ARHGAP8: variants seen among roughly 807,000 people sequenced by gnomAD.
ARHGAP8 encodes the protein rho GTPase-activating protein 8.
In ARHGAP8, 62 loss-of-function variants were observed where a neutral mutation model predicts 46.1. The observed-to-expected ratio is 1.34, with a 90% CI of 1.10 to 1.66. The LOEUF (loss-of-function observed/expected upper bound fraction) is 1.66. ARHGAP8 is among the 40% of genes most tolerant of loss of function. The pLI is 0.00. For missense variants in ARHGAP8, 923 were observed against 568.4 expected (o/e 1.62, Z -6.34); for synonymous variants, 375 against 243.1 (o/e 1.54, Z -5.05).
rs531298444 is a variant in ARHGAP8, at chr22:44,856,198, A to G, written c.878-3533A>G. On this transcript the variant is annotated intron_variant, in intron 10 of 11. Coordinates refer to ENST00000356099, the MANE Select transcript of ARHGAP8 (RefSeq NM_181335.3). ...TTTCAATGTGAGGTTTACAGGCAACATCATCCAACATATCAGAGTGCAGCT... is the reference window on the plus strand; with the variant it reads ...TTTCAATGTGAGGTTTACAGGCAACGTCATCCAACATATCAGAGTGCAGCT... Among the ~76,000 whole-genome samples, 6 of 150,434 alleles carry G rather than the reference A, an allele frequency of 4.0e-5. No individual in the cohort carries two copies. The East Asian group carries it at 7.8e-4, about 20-fold the overall frequency.
intron 1 of ARHGAP8, among the ~76,000 whole-genome samples, chr22:44,781,104 T>C (rs1161432548): frequency 6.6e-6 from 1 of 152,164 alleles, no homozygotes; most frequent in Non-Finnish European, 1.5e-5. Context: ...CAGATTTCTC[T>C]TCTGGGTTTG....
At chr22:44,788,031 G>A (rs1927399661) in intron 2 of ARHGAP8, among the ~76,000 whole-genome samples, 1 of 149,514 alleles carries the variant, frequency 6.7e-6, no homozygotes. Context: ...CTGGCCAGGT[G>A]CCAACAGAAG....
chr22:44,779,303 G>GTA (rs1926660290), intron 1 of ARHGAP8, among the ~76,000 whole-genome samples: 3 of 151,918 alleles, frequency 2.0e-5, no homozygotes, highest in Non-Finnish European at 4.4e-5. Flanking sequence ...GTTTCACCAT[G>GTA]TTGACCAGGC....
chr22:44,818,543 C>T (rs5765033), intron 5 of ARHGAP8, among the ~76,000 whole-genome samples: 14,596 of 152,182 alleles, frequency 0.096, 1,026 homozygotes, highest in East Asian at 0.31. Context: ...TGCTCTGCCC[C>T]TTGCCATCCA....
chr22:44,789,774 T>A (rs1322289092), intron 2 of ARHGAP8, among the ~76,000 whole-genome samples: 1 of 152,192 alleles, frequency 6.6e-6, no homozygotes, highest in African/African-American at 2.4e-5. Flanking sequence ...GTGCTGGGAT[T>A]ATAGGTGTAT....
At chr22:44,797,574 G>C (rs913820078) in intron 2 of ARHGAP8, among the ~76,000 whole-genome samples, 1 of 152,176 alleles carries the variant, frequency 6.6e-6, no homozygotes, top group African/African-American at 2.4e-5. Flanking sequence ...ACCAGAATTC[G>C]TAAGGAACTG....
chr22:44,764,840 G>A (rs539588122), intron 1 of ARHGAP8, among the ~76,000 whole-genome samples: 2 of 152,346 alleles, frequency 1.3e-5, no homozygotes, highest in Non-Finnish European at 2.9e-5. Context: ...AGAGGGAGCT[G>A]AGAGTGCTGT....
chr22:44,849,883 G>A (rs2070052030), intron 10 of ARHGAP8: 1 of 152,174 alleles, frequency 6.6e-6, no homozygotes, highest in African/African-American at 2.4e-5. Context: ...CCTGGCCCCT[G>A]GGGGGTGACT....
chr22:44,859,560 T>G (rs2070361795), intron 10 of ARHGAP8, 171 bp from the exon 11 acceptor site: 1 of 649,940 alleles, frequency 1.5e-6, no homozygotes, highest in Non-Finnish European at 2.7e-6. Context: ...AACACACAGG[T>G]TTGCTGAGCA....
intron 4 of ARHGAP8, 137 bp downstream of exon 4, chr22:44,808,575 G>C (rs1181488923): frequency 1.4e-6 from 2 of 1,480,910 alleles, no homozygotes; most frequent in Non-Finnish European, 1.8e-6. Context: ...GAGCAAATGT[G>C]GGGCAGTGGA....
chr22:44,796,185 G>A (rs556350154), intron 2 of ARHGAP8, among the ~76,000 whole-genome samples: 30 of 152,280 alleles, frequency 2.0e-4, no homozygotes, highest in African/African-American at 5.8e-4. Flanking sequence ...CAGAGCAGAC[G>A]CTGTTCTGCT....
At chr22:44,753,881 A>T (rs908249106) in intron 1 of ARHGAP8, among the ~76,000 whole-genome samples, 1 of 152,194 alleles carries the variant, frequency 6.6e-6, no homozygotes, top group Non-Finnish European at 1.5e-5. Flanking sequence ...TCCAGCTGAG[A>T]ACTCAATGCT....
chr22:44,854,630 C>T (rs1446880160), intron 10 of ARHGAP8, among the ~76,000 whole-genome samples: 1 of 152,024 alleles, frequency 6.6e-6, no homozygotes, highest in Non-Finnish European at 1.5e-5. Flanking sequence ...GAAGATGCAG[C>T]TGGTTTTTTT....
At chr22:44,819,259 G>A (rs952091506) in intron 5 of ARHGAP8, among the ~76,000 whole-genome samples, 1 of 152,146 alleles carries the variant, frequency 6.6e-6, no homozygotes, top group Non-Finnish European at 1.5e-5. Context: ...TAGAGACAGG[G>A]TTTTGCCATG....
At chr22:44,860,778 C>T (rs956146204) in intron 11 of ARHGAP8, among the ~76,000 whole-genome samples, 1 of 152,124 alleles carries the variant, frequency 6.6e-6, no homozygotes, top group East Asian at 1.9e-4. Context: ...TTCAACACAT[C>T]CACGTGGGTC....
intron 1 of ARHGAP8, among the ~76,000 whole-genome samples, chr22:44,771,547 T>G (rs1360193379): frequency 1.4e-5 from 2 of 147,556 alleles, no homozygotes. Flanking sequence ...CTGCCTGGCT[T>G]TTTTTTTATT....
chr22:44,793,775 A>C (rs1370534493), intron 2 of ARHGAP8, among the ~76,000 whole-genome samples: 18 of 152,234 alleles, frequency 1.2e-4, no homozygotes. Flanking sequence ...GATGCCTTGC[A>C]GAATTTGCAT....
chr22:44,770,455 G>A (rs1925917197), intron 1 of ARHGAP8, among the ~76,000 whole-genome samples: 1 of 151,640 alleles, frequency 6.6e-6, no homozygotes, highest in Non-Finnish European at 1.5e-5. Flanking sequence ...ACCCAGGCTG[G>A]AGTGCAGTGA....
chr22:44,758,633 T>C (rs1205073892), intron 1 of ARHGAP8, among the ~76,000 whole-genome samples: 2 of 144,646 alleles, frequency 1.4e-5, no homozygotes, highest in African/African-American at 2.5e-5. Flanking sequence ...GGGGGGAACA[T>C]AGCGTGTGCA....
Sources: allele counts gnomAD v4.1 joint callset (sites outside exome capture counted in the v4.1 genomes callset), GRCh38; gene constraint gnomAD v4.1.1; transcripts MANE v1.5; gene names NCBI Gene and HGNC (gene_info 2026-07-23, HGNC 2026-07-21).